The following BCKDHB variants were observed in gnomAD, a reference collection of about 807,000 sequenced individuals.
BCKDHB encodes the protein branched chain keto acid dehydrogenase E1 subunit beta.
BCKDHB carries 41 observed loss-of-function variants against 48.5 expected under a neutral mutation model. The ratio of observed to expected loss-of-function variants is 0.85; its 90% confidence interval spans 0.66 to 1.10. The LOEUF is 1.10. Ranked by LOEUF, BCKDHB falls within the 50% of genes least tolerant of loss-of-function variation. The probability of loss-of-function intolerance (pLI) is 0.00; values close to 1 mark genes in which losing one functional copy is unlikely to be tolerated. For missense variants in BCKDHB, 496 were observed against 494.2 expected (o/e 1.00, Z -0.03); for synonymous variants, 201 against 174.8 (o/e 1.15, Z -1.18).
At chr6:80,120,411 G>A (rs1347319253) in intron 1 of BCKDHB, among the ~76,000 whole-genome samples, 1 of 152,030 alleles carries the variant, frequency 6.6e-6, no homozygotes, top group Non-Finnish European at 1.5e-5. Flanking sequence ...GGTAATTCTA[G>A]TTCTAGATCC....
intron 9 of BCKDHB, among the ~76,000 whole-genome samples, chr6:80,336,787 GTGTT>G (rs1243447308): frequency 1.3e-5 from 2 of 152,002 alleles, no homozygotes; most frequent in Non-Finnish European, 1.5e-5. Context: ...ATATCAATGA[GTGTT>G]TGTTCTGTGC....
At chr6:80,162,208 T>C (rs1404521961) in intron 3 of BCKDHB, among the ~76,000 whole-genome samples, 1 of 152,128 alleles carries the variant, frequency 6.6e-6, no homozygotes, top group East Asian at 1.9e-4. Flanking sequence ...TTCCCCCTCC[T>C]CAAAACAGCT....
At chr6:80,393,519 ACACT>A in the BCKDHB span, among the ~76,000 whole-genome samples, 9,798 of 152,236 alleles carry the variant, frequency 0.064, 455 homozygotes, top group South Asian at 0.19. Flanking sequence ...GTTTCACCAG[ACACT>A]CAATCTGCTG....
chr6:80,379,303 G>A, the BCKDHB span, among the ~76,000 whole-genome samples: 142 of 152,016 alleles, frequency 9.3e-4, no homozygotes, highest in African/African-American at 3.2e-3. Flanking sequence ...TAATAAACAC[G>A]ATTCACCATA....
the BCKDHB span, among the ~76,000 whole-genome samples, chr6:80,413,459 C>G: frequency 1.3e-5 from 2 of 152,182 alleles, no homozygotes; most frequent in Non-Finnish European, 2.9e-5. Context: ...CCACCCTCCA[C>G]TCTTTGATAG....
chr6:80,388,123 A>T, the BCKDHB span, among the ~76,000 whole-genome samples: 2 of 152,160 alleles, frequency 1.3e-5, no homozygotes, highest in Admixed American at 6.6e-5. Flanking sequence ...CACATTTCTC[A>T]TTTGAGTGTG....
the BCKDHB span, among the ~76,000 whole-genome samples, chr6:80,429,052 G>A: frequency 6.6e-6 from 1 of 152,150 alleles, no homozygotes; most frequent in Non-Finnish European, 1.5e-5. Flanking sequence ...TTTTGTATAA[G>A]GTGTAAGGGA....
chr6:80,327,686 A>G (rs6920430), intron 9 of BCKDHB, among the ~76,000 whole-genome samples: 145,978 of 152,242 alleles, frequency 0.96, 69,995 homozygotes, highest in East Asian at 0.99. Flanking sequence ...TTCTCTTTCA[A>G]GATGTCTTTC....
At chr6:80,351,550 A>G in the BCKDHB span, among the ~76,000 whole-genome samples, 1 of 152,022 alleles carries the variant, frequency 6.6e-6, no homozygotes. Flanking sequence ...CTCCTTGGCC[A>G]CTGTGACTGG....
chr6:80,313,399 C>T (rs933473174), intron 9 of BCKDHB, among the ~76,000 whole-genome samples: 4 of 152,088 alleles, frequency 2.6e-5, no homozygotes, highest in African/African-American at 9.7e-5. Flanking sequence ...CTCGCTTTGT[C>T]ACCCAGGCTG....
rs938024306 is a variant in BCKDHB, at chr6:80,345,319, T to G, written c.*1515T>G. 2.0e-5 allele frequency: 3 copies of G among 152,206 alleles called. No homozygotes were observed. The highest frequency in any genetic ancestry group is 4.4e-5 in the Non-Finnish European group (3 of 68,040). The allele number at this position is 152,206 out of a possible 1,614,324, so 9.4% of individuals were successfully genotyped here. A position where few individuals can be genotyped will look rare whatever the true frequency, so the allele number is the denominator to read the frequency against. ...AGTAATATCTTTTGAAGAACTATGCTTTTTCAAAAGCAAAATCAACTCTGT... is the reference window on the plus strand; with the variant it reads ...AGTAATATCTTTTGAAGAACTATGCGTTTTCAAAAGCAAAATCAACTCTGT... On this transcript the variant is annotated 3_prime_UTR_variant, in exon 10 of 10. Transcript: ENST00000320393.
the BCKDHB span, among the ~76,000 whole-genome samples, chr6:80,395,194 G>T: frequency 6.6e-6 from 1 of 152,166 alleles, no homozygotes; most frequent in Admixed American, 6.5e-5. Flanking sequence ...AAGCAAGTTT[G>T]GAACTGGATA....
chr6:80,430,871 T>A, the BCKDHB span, among the ~76,000 whole-genome samples: 1 of 152,106 alleles, frequency 6.6e-6, no homozygotes, highest in Non-Finnish European at 1.5e-5. Context: ...GCTTTTGAAT[T>A]TGTTTGCTCT....
At chr6:80,296,901 C>G (rs1562211613) in intron 9 of BCKDHB, among the ~76,000 whole-genome samples, 1 of 152,174 alleles carries the variant, frequency 6.6e-6, no homozygotes, top group South Asian at 2.1e-4. Flanking sequence ...ATTCCCCTGC[C>G]TTCTTATAAT....
chr6:80,403,413 A>C, the BCKDHB span, among the ~76,000 whole-genome samples: 6 of 151,844 alleles, frequency 4.0e-5, no homozygotes, highest in Admixed American at 1.3e-4. Context: ...ATCATAACTG[A>C]TTTTTGTATG....
the BCKDHB span, among the ~76,000 whole-genome samples, chr6:80,432,206 C>T: frequency 6.6e-6 from 1 of 151,948 alleles, no homozygotes; most frequent in Non-Finnish European, 1.5e-5. Flanking sequence ...CTCTGTATTT[C>T]CTGAATTTGA....
At chr6:80,366,464 C>G in the BCKDHB span, among the ~76,000 whole-genome samples, 6 of 152,024 alleles carry the variant, frequency 3.9e-5, no homozygotes, top group Admixed American at 1.3e-4. Flanking sequence ...GAAAAAAATC[C>G]AAAAGGAAAA....
At chr6:80,200,384 CTACTT>C (rs1374746642) in intron 6 of BCKDHB, among the ~76,000 whole-genome samples, 4 of 152,032 alleles carry the variant, frequency 2.6e-5, no homozygotes, top group Non-Finnish European at 5.9e-5. Context: ...AAAATACAAT[CTACTT>C]TAAAATTTTT....
chr6:80,413,433 A>C, the BCKDHB span, among the ~76,000 whole-genome samples: 1 of 152,080 alleles, frequency 6.6e-6, no homozygotes, highest in Admixed American at 6.5e-5. Context: ...TATTTTTCTT[A>C]GTCCTCTTCC....
Sources: gnomAD v4.1 joint callset for allele counts (sites outside exome capture counted in the v4.1 genomes callset) on GRCh38, gnomAD v4.1.1 for gene constraint, MANE v1.5 for transcripts, NCBI Gene and HGNC (gene_info 2026-07-23, HGNC 2026-07-21) for gene names.